The following INPP4B variants were observed in gnomAD, a reference collection of about 807,000 sequenced individuals.
The protein encoded by INPP4B is inositol polyphosphate 4-phosphatase type II.
A neutral mutation model predicts 122.5 loss-of-function variants in INPP4B; 55 were observed. The observed-to-expected ratio is 0.45, with a 90% CI of 0.36 to 0.56. The LOEUF (loss-of-function observed/expected upper bound fraction) is 0.56, where lower values mean the gene tolerates loss of function less well. Among genes scored for constraint, INPP4B ranks in the 20% least tolerant of loss-of-function variants. The pLI, the probability that INPP4B is intolerant of heterozygous loss-of-function variation, is 0.00. For missense variants in INPP4B, 1,000 were observed against 1,097.7 expected (o/e 0.91, Z 1.26); for synonymous variants, 403 against 388.7 (o/e 1.04, Z -0.43).
In INPP4B at chr4:142,720,685, G is replaced by A. The variant is rs1445053622; in HGVS notation, c.-191+5154C>T. 3.1e-5 allele frequency among the ~76,000 whole-genome samples: 3 copies of A among 98,320 alleles called. No homozygotes were observed. In the East Asian group the frequency reaches 1.0e-3, roughly 34 times the overall value. The allele number at this position is 98,320 out of a possible 152,430, so 64.5% of individuals were successfully genotyped here. On this transcript the variant is annotated intron_variant, in intron 2 of 25. Transcript: ENST00000262992. Reference sequence around the variant, plus strand: ...CCCAGTTGGTTGAATCTATGGATGTGGAACCCATTAATATGAACAGCCAAC... The same window carrying A: ...CCCAGTTGGTTGAATCTATGGATGTAGAACCCATTAATATGAACAGCCAAC...
At chr4:142,302,760 C>A (rs1579665138) in intron 9 of INPP4B, among the ~76,000 whole-genome samples, 1 of 151,794 alleles carries the variant, frequency 6.6e-6, no homozygotes, top group East Asian at 1.9e-4. Flanking sequence ...GACTACACGG[C>A]AATGAATTAG....
At chr4:142,527,635 G>C (rs1359171719) in intron 2 of INPP4B, among the ~76,000 whole-genome samples, 1 of 151,876 alleles carries the variant, frequency 6.6e-6, no homozygotes. Flanking sequence ...CCTTTCCCTA[G>C]GGTAATTTTA....
intron 23 of INPP4B, among the ~76,000 whole-genome samples, chr4:142,089,533 AGTTT>A (rs1351177148): frequency 6.6e-6 from 1 of 151,814 alleles, no homozygotes; most frequent in Non-Finnish European, 1.5e-5. Flanking sequence ...AGTAGTAATT[AGTTT>A]GACTATGGTA....
At chr4:142,362,742 A>G (rs543593958) in intron 7 of INPP4B, among the ~76,000 whole-genome samples, 55 of 152,124 alleles carry the variant, frequency 3.6e-4, no homozygotes, top group Middle Eastern at 3.4e-3. Context: ...GGACCAGAAA[A>G]CCAAATATCA....
chr4:142,481,632 T>G (rs1451145218), intron 2 of INPP4B, among the ~76,000 whole-genome samples: 1 of 152,064 alleles, frequency 6.6e-6, no homozygotes, highest in Non-Finnish European at 1.5e-5. Flanking sequence ...TTGTATTAAC[T>G]CTCTTGAAAC....
At chr4:142,069,145 G>A (rs997859702) in intron 25 of INPP4B, among the ~76,000 whole-genome samples, 4 of 152,112 alleles carry the variant, frequency 2.6e-5, no homozygotes, top group African/African-American at 7.2e-5. Flanking sequence ...TCAGACCACA[G>A]TGCAATCAAA....
chr4:142,727,778 TGAGATGG>T (rs1411479455), intron 1 of INPP4B, among the ~76,000 whole-genome samples: 1 of 152,002 alleles, frequency 6.6e-6, no homozygotes, highest in East Asian at 1.9e-4. Flanking sequence ...TTCGAAAGGC[TGAGATGG>T]GAGGATCACT....
At chr4:142,218,812 A>C (rs1258435960) in intron 12 of INPP4B, among the ~76,000 whole-genome samples, 1 of 152,238 alleles carries the variant, frequency 6.6e-6, no homozygotes, top group African/African-American at 2.4e-5. Flanking sequence ...AGAAGTCATA[A>C]AAAATTTATT....
intron 1 of INPP4B, among the ~76,000 whole-genome samples, chr4:142,728,431 T>C (rs1838083): frequency 0.031 from 4,736 of 152,292 alleles, 235 homozygotes; most frequent in African/African-American, 0.11. Context: ...TCCCGAAAGA[T>C]ATGTTGAAGT....
intron 2 of INPP4B, among the ~76,000 whole-genome samples, chr4:142,614,222 AAAAC>A (rs1388694245): frequency 1.6e-4 from 25 of 152,224 alleles, no homozygotes; most frequent in Admixed American, 1.2e-3. Context: ...ACTCTGTCTC[AAAAC>A]AAACAAACAA....
intron 7 of INPP4B, among the ~76,000 whole-genome samples, chr4:142,370,817 C>T (rs1789622663): frequency 6.6e-6 from 1 of 151,972 alleles, no homozygotes; most frequent in African/African-American, 2.4e-5. Flanking sequence ...ACAACCCATG[C>T]TCATGGATCA....
intron 2 of INPP4B, among the ~76,000 whole-genome samples, chr4:142,694,106 C>A (rs563909086): frequency 6.6e-6 from 1 of 152,176 alleles, no homozygotes; most frequent in African/African-American, 2.4e-5. Flanking sequence ...GGCATGGTGG[C>A]TCACACCTGT....
chr4:142,040,602 A>ATCCCC (rs1183200877), intron 25 of INPP4B, among the ~76,000 whole-genome samples: 2 of 152,246 alleles, frequency 1.3e-5, no homozygotes, highest in Non-Finnish European at 2.9e-5. Flanking sequence ...GTTAGTAGAA[A>ATCCCC]GATAAATAGG....
At chr4:142,197,126 CAAAAA>C (rs376793889) in intron 14 of INPP4B, among the ~76,000 whole-genome samples, 1 of 67,228 alleles carries the variant, frequency 1.5e-5, no homozygotes, top group Non-Finnish European at 2.7e-5. Context: ...AACTCCGTCT[CAAAAA>C]AAAAAAAAAA....
intron 2 of INPP4B, among the ~76,000 whole-genome samples, chr4:142,689,827 TC>T (rs1280285652): frequency 6.6e-6 from 1 of 152,186 alleles, no homozygotes; most frequent in African/African-American, 2.4e-5. Flanking sequence ...CGCAGCTAAT[TC>T]TTTTTTAAAA....
At chr4:142,722,979 A>T (rs1323993809) in intron 2 of INPP4B, among the ~76,000 whole-genome samples, 1 of 152,096 alleles carries the variant, frequency 6.6e-6, no homozygotes, top group Admixed American at 6.5e-5. Flanking sequence ...ATATCACAAG[A>T]TTTGTATCCT....
At chr4:142,748,595 C>T (rs899484001) in intron 1 of INPP4B, among the ~76,000 whole-genome samples, 1 of 151,548 alleles carries the variant, frequency 6.6e-6, no homozygotes, top group African/African-American at 2.4e-5. Context: ...TAATGAACAA[C>T]TTTATGTCAA....
rs576567252 is a variant in INPP4B at position 142,592,103 on chromosome 4, G to A, written c.-190-129377C>T. Among the ~76,000 whole-genome samples the A allele has an allele frequency of 2.3e-4, 35 of 152,232 alleles. No homozygotes were observed. The South Asian group carries it at 6.9e-3, about 30-fold the overall frequency. ...GGGAAGGCTTATATGAGACACATGG[G>A]AACTTTGCATAATACCTGTCCAACT... On this transcript the variant is annotated intron_variant, in intron 2 of 25. Coordinates refer to ENST00000262992, the MANE Select transcript of INPP4B (RefSeq NM_001101669.3).
intron 2 of INPP4B, among the ~76,000 whole-genome samples, chr4:142,525,219 C>T (rs1432554115): frequency 6.6e-6 from 1 of 151,964 alleles, no homozygotes; most frequent in African/African-American, 2.4e-5. Flanking sequence ...CTACAAACCA[C>T]TGCTCACTGA....
Sources: allele counts gnomAD v4.1 joint callset (sites outside exome capture counted in the v4.1 genomes callset), GRCh38; gene constraint gnomAD v4.1.1; transcripts MANE v1.5; gene names NCBI Gene and HGNC (gene_info 2026-07-23, HGNC 2026-07-21).